Variants in PACS1 observed in about 807,000 individuals in gnomAD.
PACS1 encodes the protein phosphofurin acidic cluster sorting protein 1.
In PACS1, 24 loss-of-function variants were observed where a neutral mutation model predicts 115.0. The ratio of observed to expected loss-of-function variants is 0.21; its 90% CI spans 0.15 to 0.29. The LOEUF is 0.29. Ranked by LOEUF, PACS1 falls within the 10% of genes least tolerant of loss-of-function variation. PACS1 has a pLI of 1.00. For missense variants in PACS1, 838 were observed against 1,251.2 expected (o/e 0.67, Z 4.98); for synonymous variants, 453 against 504.5 (o/e 0.90, Z 1.37).
intron 4 of PACS1, 146 bp from the exon 5 acceptor site, chr11:66,215,973 A>C (rs948708505): frequency 7.9e-6 from 4 of 505,480 alleles, no homozygotes; most frequent in African/African-American, 7.8e-5. Flanking sequence ...ACCGTGAAGC[A>C]GTAGGACAGT....
At chr11:66,100,220 C>G (rs775905271) in intron 1 of PACS1, among the ~76,000 whole-genome samples, 3 of 152,174 alleles carry the variant, frequency 2.0e-5, no homozygotes, top group African/African-American at 4.8e-5. Flanking sequence ...TCAGACTGAT[C>G]TCTTAAATTC....
At chr11:66,093,483 CAAG>C (rs1017234932) in intron 1 of PACS1, among the ~76,000 whole-genome samples, 1 of 144,752 alleles carries the variant, frequency 6.9e-6, no homozygotes, top group Non-Finnish European at 1.5e-5. Context: ...ATCAATTCAA[CAAG>C]AAGAGCTAAC....
chr11:66,230,011 G>T (rs918103249), intron 11 of PACS1, among the ~76,000 whole-genome samples: 1 of 152,046 alleles, frequency 6.6e-6, no homozygotes, highest in Non-Finnish European at 1.5e-5. Context: ...CAGAAGGTGG[G>T]ATAGAGAGGG....
intron 1 of PACS1, among the ~76,000 whole-genome samples, chr11:66,144,389 A>G (rs1360116343): frequency 1.3e-5 from 2 of 152,222 alleles, no homozygotes; most frequent in Non-Finnish European, 2.9e-5. Flanking sequence ...CAAATCTTGA[A>G]TTTGTTATTT....
rs374290540 is a variant in PACS1 at position 66,220,585 on chromosome 11, G to A, written c.1039-46G>A. On this transcript the variant is annotated intron_variant, in intron 8 of 23. Transcript: ENST00000320580. Reference sequence around the variant, plus strand: ...AAGGAGCTGCTCATCAACCAAAATTGTTAATAGGGATGACCCTAAATTCAG... The same window carrying A: ...AAGGAGCTGCTCATCAACCAAAATTATTAATAGGGATGACCCTAAATTCAG... The A allele has an allele frequency of 1.6e-5, 26 of 1,609,438 alleles. 2 individuals are homozygous for A. The South Asian group carries it at 2.5e-4, about 16-fold the overall frequency.
At chr11:66,214,549 C>T (rs954498472) in intron 4 of PACS1, among the ~76,000 whole-genome samples, 2 of 145,446 alleles carry the variant, frequency 1.4e-5, no homozygotes, top group South Asian at 2.4e-4. Context: ...TTCCCTCCCT[C>T]CCTCCCTCCA....
At chr11:66,131,630 TAAG>T (rs1291118581) in intron 1 of PACS1, among the ~76,000 whole-genome samples, 1 of 152,160 alleles carries the variant, frequency 6.6e-6, no homozygotes, top group Non-Finnish European at 1.5e-5. Flanking sequence ...ATGTCTTACT[TAAG>T]AAATCTTTTC....
chr11:66,204,550 T>C (rs903877074), intron 2 of PACS1, among the ~76,000 whole-genome samples: 2 of 152,142 alleles, frequency 1.3e-5, no homozygotes, highest in African/African-American at 4.8e-5. Flanking sequence ...TGGAAGCACC[T>C]AAGTGTCCAT....
In PACS1 at chr11:66,233,944, A is replaced by G; in HGVS notation, c.1993+5A>G. On this transcript the variant is annotated splice_donor_5th_base_variant and intron_variant, in intron 16 of 23. Transcript: ENST00000320580. The surrounding 1 kb of genome is among the most constrained non-coding windows in gnomAD (Gnocchi z 4.5). ...GCTTCCTCATCATCCCCCTCGGTAA[A>G]GACGGGAGGCACCAGGAGGGCGTCG... The G allele has an allele frequency of 6.4e-7, 1 of 1,570,614 alleles. No individual in the cohort carries two copies. Among genetic ancestry groups the G allele is most frequent in the East Asian group, 2.3e-5 (1 of 44,410 alleles).
chr11:66,219,776 C>G lies in PACS1; in HGVS notation c.1009C>G (p.Leu337Val). The change falls in exon 8 of 24, where the codon CTC becomes GTC. Residue 337 changes from leucine (L) to valine (V), a missense_variant. This residue lies in a region of PACS1 where 223 missense variants were observed against 354.0 expected (regional missense o/e 0.63). Transcript: ENST00000320580. Reference sequence around the variant, plus strand: ...TAACATCAAACAGAAGTTTGTGGCCCTCCTGAAGCGGTTTAAAGTTTCAGA... The same window carrying G: ...TAACATCAAACAGAAGTTTGTGGCCGTCCTGAAGCGGTTTAAAGTTTCAGA... ...QPNIKQKFVA[L>V]LKRFKVSDEV... 1 of 1,613,786 alleles carries G rather than the reference C, an allele frequency of 6.2e-7. No individual in the cohort carries two copies. Among genetic ancestry groups the G allele is most frequent in the Non-Finnish European group, 8.5e-7 (1 of 1,179,776 alleles).
At chr11:66,108,548 C>T (rs1163100020) in intron 1 of PACS1, among the ~76,000 whole-genome samples, 3 of 151,972 alleles carry the variant, frequency 2.0e-5, no homozygotes, top group African/African-American at 4.8e-5. Flanking sequence ...CATAGCAAGA[C>T]CCCCTGTCTC....
In PACS1 at chr11:66,210,462, C is replaced by T. The variant is rs1169408716; in HGVS notation, c.534+11C>T. 2 of 1,584,464 alleles carry T rather than the reference C, an allele frequency of 1.3e-6. No individual in the cohort carries two copies. Among genetic ancestry groups the T allele is most frequent in the Non-Finnish European group, 1.7e-6 (2 of 1,152,906 alleles). The stretch of plus-strand genomic sequence containing the variant: ...ACCTTCTCCCTTCAGGTGAGACTCT[C>T]CTAATCTTAGGCCCCTAACATGCTA... On this transcript the variant is annotated intron_variant, in intron 3 of 23. Transcript: ENST00000320580.
intron 1 of PACS1, among the ~76,000 whole-genome samples, chr11:66,137,377 CATT>C (rs1554981061): frequency 1.3e-5 from 2 of 152,064 alleles, no homozygotes; most frequent in Non-Finnish European, 2.9e-5. Flanking sequence ...GTTACTCCAA[CATT>C]ATTGAATTAC....
At chr11:66,240,730 G>C (rs182476910) in intron 21 of PACS1, among the ~76,000 whole-genome samples, 1 of 152,056 alleles carries the variant, frequency 6.6e-6, no homozygotes, top group East Asian at 1.9e-4. Context: ...CATGGGTTTG[G>C]GGAGCCTTGG....
chr11:66,096,502 ATTT>A (rs200631152), intron 1 of PACS1, among the ~76,000 whole-genome samples: 2 of 136,880 alleles, frequency 1.5e-5, no homozygotes, highest in Admixed American at 7.3e-5. Flanking sequence ...GTTGCTATGA[ATTT>A]TTTTTTTTTT....
intron 1 of PACS1, among the ~76,000 whole-genome samples, chr11:66,071,747 C>G (rs1857313279): frequency 6.6e-6 from 1 of 152,182 alleles, no homozygotes; most frequent in Non-Finnish European, 1.5e-5. Context: ...TGAGTTGATT[C>G]TGTTGCCTTG....
intron 2 of PACS1, among the ~76,000 whole-genome samples, chr11:66,202,742 A>AAAAAAAAAAAAAAAAAAT (rs1200930188): frequency 1.4e-5 from 1 of 71,650 alleles, no homozygotes; most frequent in African/African-American, 8.0e-5. Context: ...AAAAAAAAAA[A>AAAAAAAAAAAAAAAAAAT]ATATATATAT....
In PACS1 at chr11:66,120,238, C is replaced by G. The variant is rs185605183; in HGVS notation, c.356+49396C>G. Among the ~76,000 whole-genome samples, 629 of 151,636 alleles carry G rather than the reference C, an allele frequency of 4.1e-3. 3 individuals carry two copies. The highest frequency in any genetic ancestry group is 0.014 in the African/African-American group (559 of 41,282). ...TCTCGGCTCACTGCAACCTCTGCCC[C>G]CTGTGTGCCACCACTCTCGGCTAAT... On this transcript the variant is annotated intron_variant, in intron 1 of 23. Coordinates refer to ENST00000320580, the MANE Select transcript of PACS1 (RefSeq NM_018026.4).
intron 20 of PACS1, 130 bp from the exon 21 acceptor site, chr11:66,239,012 G>A: frequency 2.8e-6 from 4 of 1,440,856 alleles, no homozygotes; most frequent in Non-Finnish European, 3.8e-6. Flanking sequence ...GTGGCTGGGG[G>A]AGGTGGAAGG....
Sources: gnomAD v4.1 joint callset for allele counts (sites outside exome capture counted in the v4.1 genomes callset) on GRCh38, gnomAD v4.1.1 for gene constraint, gnomAD v4.1.1 regional missense constraint, Gnocchi (gnomAD v3.1) non-coding constraint, MANE v1.5 for transcripts, NCBI Gene and HGNC (gene_info 2026-07-23, HGNC 2026-07-21) for gene names.